L3MBTL4: variants seen among roughly 807,000 people sequenced by gnomAD.
The protein encoded by L3MBTL4 is lethal(3)malignant brain tumor-like protein 4.
A neutral mutation model predicts 84.5 loss-of-function variants in L3MBTL4; 70 were observed. The observed-to-expected ratio is 0.83, with a 90% CI of 0.68 to 1.01. The LOEUF is 1.01. Ranked by LOEUF, L3MBTL4 falls within the 50% of genes least tolerant of loss-of-function variation. L3MBTL4 has a pLI of 0.00. For synonymous variants in L3MBTL4, 274 were observed against 259.8 expected, an observed-to-expected ratio of 1.05 and a Z score of -0.52; for missense variants, 715 against 754.8, an observed-to-expected ratio of 0.95 and a Z score of 0.62.
chr18:6,405,480 T>C (rs913130879), intron 1 of L3MBTL4, among the ~76,000 whole-genome samples: 2 of 152,232 alleles, frequency 1.3e-5, no homozygotes, highest in African/African-American at 4.8e-5. Flanking sequence ...TTGGCAAGGA[T>C]ATTCTCACTC....
intron 14 of L3MBTL4, among the ~76,000 whole-genome samples, chr18:6,129,366 CTCTG>C (rs1399523901): frequency 1.1e-3 from 150 of 139,184 alleles, no homozygotes; most frequent in East Asian, 2.5e-3. Context: ...CTGGAATTCT[CTCTG>C]TGTGTGTGTG....
intron 1 of L3MBTL4, among the ~76,000 whole-genome samples, chr18:6,400,112 C>T (rs1014298761): frequency 2.0e-5 from 3 of 152,016 alleles, no homozygotes; most frequent in Admixed American, 2.0e-4. Flanking sequence ...GAAATGTGGT[C>T]GAAAATTTAA....
At chr18:6,283,018 C>T (rs1324296175) in intron 4 of L3MBTL4, among the ~76,000 whole-genome samples, 2 of 152,164 alleles carry the variant, frequency 1.3e-5, no homozygotes, top group Non-Finnish European at 2.9e-5. Context: ...TTGGGAGCAA[C>T]GCCTCCTCTC....
At chr18:6,264,067 CAAAATGA>C in intron 4 of L3MBTL4, 29 bp from the exon 5 acceptor site, 3 of 1,482,258 alleles carry the variant, frequency 2.0e-6, no homozygotes, top group Non-Finnish European at 2.8e-6. Context: ...TGACTTTTCT[CAAAATGA>C]TTAGTGACAG....
At chr18:6,344,452 A>G (rs982151297) in intron 1 of L3MBTL4, among the ~76,000 whole-genome samples, 3 of 152,196 alleles carry the variant, frequency 2.0e-5, no homozygotes, top group Non-Finnish European at 2.9e-5. Context: ...TAAATTCTAC[A>G]AACATTTTAA....
chr18:6,058,165 A>G (rs143325689), intron 16 of L3MBTL4, among the ~76,000 whole-genome samples: 82 of 152,332 alleles, frequency 5.4e-4, no homozygotes, highest in African/African-American at 1.9e-3. Context: ...GGTGCTTGGC[A>G]TTACTATTTA....
At chr18:6,115,573 T>C (rs566562006) in intron 14 of L3MBTL4, among the ~76,000 whole-genome samples, 86 of 152,274 alleles carry the variant, frequency 5.6e-4, no homozygotes, top group Admixed American at 1.1e-3. Flanking sequence ...CGATGCTCAT[T>C]GGACAGTTGA....
rs147493414 is a variant in L3MBTL4 at position 6,206,248 on chromosome 18, G to A, written c.981+6901C>T. Among the ~76,000 whole-genome samples, 11 of 152,216 alleles carry A rather than the reference G, an allele frequency of 7.2e-5. 1 individual carries two copies. The East Asian group carries it at 2.1e-3, about 29-fold the overall frequency. On this transcript the variant is annotated intron_variant, in intron 12 of 18. Transcript: ENST00000317931. Reference sequence around the variant, plus strand: ...TACACTTATATGTGCATTTTGCATTGGAGCTATCTGTAGCATCCCTCAGAC... The same window carrying A: ...TACACTTATATGTGCATTTTGCATTAGAGCTATCTGTAGCATCCCTCAGAC...
intron 17 of L3MBTL4, among the ~76,000 whole-genome samples, chr18:5,968,394 C>G (rs551793577): frequency 6.6e-6 from 1 of 152,158 alleles, no homozygotes; most frequent in Non-Finnish European, 1.5e-5. Context: ...CTTAACTGTT[C>G]CTTATTAATA....
chr18:6,071,780 AG>A (rs2145989351), intron 16 of L3MBTL4, among the ~76,000 whole-genome samples: 1 of 135,400 alleles, frequency 7.4e-6, no homozygotes, highest in African/African-American at 2.8e-5. Context: ...AAAGAAAGAA[AG>A]AAAGAAAGAA....
chr18:6,059,352 T>C (rs920131073), intron 16 of L3MBTL4, among the ~76,000 whole-genome samples: 4 of 152,260 alleles, frequency 2.6e-5, no homozygotes, highest in Non-Finnish European at 5.9e-5. Flanking sequence ...AAAGCAGGTT[T>C]ATTTTTACTC....
At chr18:6,096,613 T>C (rs2143748283) in intron 14 of L3MBTL4, among the ~76,000 whole-genome samples, 1 of 152,158 alleles carries the variant, frequency 6.6e-6, no homozygotes, top group African/African-American at 2.4e-5. Flanking sequence ...TACGCATGCA[T>C]GTGTGTGTGT....
chr18:5,986,179 G>A (rs2053457685), intron 16 of L3MBTL4, among the ~76,000 whole-genome samples: 1 of 152,216 alleles, frequency 6.6e-6, no homozygotes, highest in Admixed American at 6.5e-5. Flanking sequence ...CTCCTAACAA[G>A]TGAGCATGTA....
At chr18:6,243,750 C>T (rs937975517) in intron 6 of L3MBTL4, among the ~76,000 whole-genome samples, 2 of 152,204 alleles carry the variant, frequency 1.3e-5, no homozygotes, top group Admixed American at 1.3e-4. Flanking sequence ...ATATTCCCTT[C>T]AGCAACCCTA....
chr18:6,131,027 A>T (rs2059860922), intron 14 of L3MBTL4, among the ~76,000 whole-genome samples: 1 of 152,162 alleles, frequency 6.6e-6, no homozygotes, highest in African/African-American at 2.4e-5. Flanking sequence ...GGTCCACCTC[A>T]CCTATCAAAG....
intron 1 of L3MBTL4, among the ~76,000 whole-genome samples, chr18:6,384,673 A>T (rs1257536690): frequency 2.0e-5 from 3 of 152,222 alleles, no homozygotes; most frequent in Admixed American, 1.3e-4. Flanking sequence ...TATAGGCCAA[A>T]CTCAGTGACT....
chr18:6,008,222 C>T (rs2054577339), intron 16 of L3MBTL4, among the ~76,000 whole-genome samples: 1 of 152,092 alleles, frequency 6.6e-6, no homozygotes, highest in Non-Finnish European at 1.5e-5. Context: ...ACACTGAGCC[C>T]TCCTCCACAC....
intron 1 of L3MBTL4, among the ~76,000 whole-genome samples, chr18:6,343,070 A>G (rs1324730050): frequency 6.6e-6 from 1 of 152,224 alleles, no homozygotes; most frequent in Non-Finnish European, 1.5e-5. Flanking sequence ...CATAAGAGCA[A>G]ATAAACATAT....
At chr18:6,383,734 C>T (rs572643404) in intron 1 of L3MBTL4, among the ~76,000 whole-genome samples, 2 of 152,338 alleles carry the variant, frequency 1.3e-5, no homozygotes, top group South Asian at 4.1e-4. Context: ...CTGGGAGCTG[C>T]ACACCAGAGC....
Sources: allele counts gnomAD v4.1 joint callset (sites outside exome capture counted in the v4.1 genomes callset), GRCh38; gene constraint gnomAD v4.1.1; transcripts MANE v1.5; gene names NCBI Gene and HGNC (gene_info 2026-07-23, HGNC 2026-07-21).